TEF: variants seen among roughly 807,000 people sequenced by gnomAD.
The protein encoded by TEF is thyrotroph embryonic factor.
Under a neutral mutation model 20.8 loss-of-function variants are expected in TEF, and 3 were observed. The ratio of observed to expected loss-of-function variants is 0.14; its 90% confidence interval spans 0.07 to 0.37. The LOEUF is 0.37. Among genes scored for constraint, TEF ranks in the 10% least tolerant of loss-of-function variants. TEF has a pLI of 1.00. For synonymous variants in TEF, 180 were observed against 171.1 expected (o/e 1.05, Z -0.41); for missense variants, 296 against 397.9 (o/e 0.74, Z 2.18).
rs1164307022 is a variant in TEF at position 41,397,078 on chromosome 22, A to G, written c.*1118A>G. On this transcript the variant is annotated 3_prime_UTR_variant, in exon 4 of 4. Transcript: ENST00000266304. ...CAATTCTTGCTTCAGGATCTCTCCCATGCGAGCTGCCCGGAGGGTGTCAGC... is the reference window on the plus strand; with the variant it reads ...CAATTCTTGCTTCAGGATCTCTCCCGTGCGAGCTGCCCGGAGGGTGTCAGC... 2.5e-6 allele frequency: 1 copy of G among 398,690 alleles called. No homozygotes were observed. The highest frequency in any genetic ancestry group is 2.1e-5 in the African/African-American group (1 of 48,618). 24.7% of individuals were successfully genotyped at this position (398,690 alleles called of 1,614,324 possible).
At chr22:41,369,051 G>A in intron 1 of TEF, 1 of 985,254 alleles carries the variant, frequency 1.0e-6, no homozygotes, top group Non-Finnish European at 1.2e-6. Flanking sequence ...GGGTGGTACA[G>A]TCCCTCCTGG....
At chr22:41,374,978 G>A (rs1287631865) in intron 1 of TEF, among the ~76,000 whole-genome samples, 2 of 152,146 alleles carry the variant, frequency 1.3e-5, no homozygotes, top group Admixed American at 6.6e-5. Context: ...TTGTTCAAGG[G>A]CCGACTAAAG....
intron 1 of TEF, among the ~76,000 whole-genome samples, chr22:41,371,022 G>A (rs1477363841): frequency 6.6e-6 from 1 of 152,160 alleles, no homozygotes; most frequent in Admixed American, 6.5e-5. Flanking sequence ...CTATGTCCCT[G>A]GGCCCTAAAT....
In TEF at chr22:41,395,911, A is replaced by T; in HGVS notation, c.863A>T (p.Lys288Met). The change falls in exon 4 of 4, where the codon AAG becomes ATG. Residue 288 changes from lysine to methionine, a missense_variant. Transcript: ENST00000266304. ...GCCGAGCTACGCAAGGAGGTGGGCA[A>T]GTGCAAGACCATCGTGTCCAAGTAT... ...EVAELRKEVG[K>M]CKTIVSKYET... 2 of 1,614,120 alleles carry T rather than the reference A, an allele frequency of 1.2e-6. No individual in the cohort carries two copies. The highest frequency in any genetic ancestry group is 1.7e-6 in the Non-Finnish European group (2 of 1,179,976).
chr22:41,381,538 G>T (rs188309705), upstream of TEF, among the ~76,000 whole-genome samples: 1 of 152,304 alleles, frequency 6.6e-6, no homozygotes, highest in African/African-American at 2.4e-5. Flanking sequence ...CTTCGGTGGC[G>T]CGTCGGGAAG....
chr22:41,381,816 A>G, upstream of TEF: 1 of 1,128,126 alleles, frequency 8.9e-7, no homozygotes, highest in Non-Finnish European at 1.1e-6. Context: ...CCCCTCTCGC[A>G]GGCTGGACCA....
At chr22:41,390,729 C>A (rs1167597592) in intron 2 of TEF, among the ~76,000 whole-genome samples, 1 of 152,046 alleles carries the variant, frequency 6.6e-6, no homozygotes, top group East Asian at 1.9e-4. Flanking sequence ...GAACTCCTCA[C>A]CTCAGGTGAT....
Position 41,382,004 on chromosome 22 carries a change from G to C in TEF, c.-41G>C, listed in dbSNP as rs1470695011. The C allele has an allele frequency of 8.1e-7, 1 of 1,229,648 alleles. No individual in the cohort carries two copies. The highest frequency in any genetic ancestry group is 3.2e-5 in the East Asian group (1 of 31,598). 76.2% of individuals were successfully genotyped at this position (1,229,648 alleles called of 1,614,324 possible). A position where few individuals can be genotyped will look rare whatever the true frequency, so the allele number is the denominator to read the frequency against. On this transcript the variant is annotated 5_prime_UTR_variant, in exon 1 of 4. Coordinates refer to ENST00000266304, the MANE Select transcript of TEF (RefSeq NM_003216.4). The stretch of plus-strand genomic sequence containing the variant: ...ACGGCTCCGGCCCATCTCGGGGGGC[G>C]GGCGGGGGAGGCGAGGTGCGCGAGC...
chr22:41,381,043 T>G (rs902108689), upstream of TEF, among the ~76,000 whole-genome samples: 1 of 152,158 alleles, frequency 6.6e-6, no homozygotes, highest in African/African-American at 2.4e-5. Context: ...AAACATGTAC[T>G]CGGGCCCTGG....
At chr22:41,381,863 C>G, upstream of TEF, 3 of 1,221,324 alleles carry the variant, frequency 2.5e-6, no homozygotes, top group South Asian at 8.6e-5. Flanking sequence ...GGCCTGGCCT[C>G]ATGAATAATT....
intron 1 of TEF, among the ~76,000 whole-genome samples, chr22:41,383,149 G>T (rs1283505924): frequency 6.6e-6 from 1 of 152,058 alleles, no homozygotes; most frequent in South Asian, 2.1e-4. Flanking sequence ...ATAGGCCTTC[G>T]AGAGTTGTCT....
chr22:41,368,709 C>T (rs752894422), intron 1 of TEF, among the ~76,000 whole-genome samples: 11 of 152,168 alleles, frequency 7.2e-5, no homozygotes, highest in Non-Finnish European at 1.2e-4. Flanking sequence ...AGCTCTCGCA[C>T]GCAGCTCTGG....
intron 1 of TEF, among the ~76,000 whole-genome samples, chr22:41,371,750 T>TAC (rs146718123): frequency 2.0e-4 from 30 of 151,882 alleles, no homozygotes; most frequent in Middle Eastern, 3.4e-3. Flanking sequence ...AGTTGGTGTG[T>TAC]ACACACACAC....
intron 1 of TEF, 66 bp from the exon 2 acceptor site, chr22:41,387,285 C>G: frequency 1.3e-6 from 2 of 1,558,924 alleles, no homozygotes; most frequent in Non-Finnish European, 8.8e-7. Flanking sequence ...GTGAGGCTCA[C>G]TGCCCACTTC....
intron 1 of TEF, among the ~76,000 whole-genome samples, chr22:41,373,031 C>T (rs1276766162): frequency 3.9e-5 from 6 of 152,160 alleles, no homozygotes; most frequent in South Asian, 2.1e-4. Flanking sequence ...AGAGCTTTGA[C>T]GGTCATAAAG....
intron 1 of TEF, among the ~76,000 whole-genome samples, chr22:41,374,996 A>T (rs768761655): frequency 5.9e-5 from 9 of 152,312 alleles, no homozygotes; most frequent in Admixed American, 1.3e-4. Context: ...AAGTGGAAGC[A>T]GGAGTCAGCC....
At chr22:41,380,562 A>G (rs1027721620), upstream of TEF, among the ~76,000 whole-genome samples, 21 of 151,668 alleles carry the variant, frequency 1.4e-4, no homozygotes, top group African/African-American at 4.8e-4. Context: ...CACCCCCCCA[A>G]CCCCTCCTGC....
At chr22:41,382,287 T>C in intron 1 of TEF, 86 bp downstream of exon 1, 1 of 1,060,714 alleles carries the variant, frequency 9.4e-7, no homozygotes, top group East Asian at 3.6e-5. Context: ...GGGGAGGCAG[T>C]GGGTCAGGGA....
At chr22:41,379,928 AAAG>A (rs1349365721), upstream of TEF, among the ~76,000 whole-genome samples, 1 of 135,512 alleles carries the variant, frequency 7.4e-6, no homozygotes, top group African/African-American at 3.5e-5. Flanking sequence ...AAAGAAAAGA[AAAG>A]AAAATAAAAA....
Sources: gnomAD v4.1 joint callset for allele counts (sites outside exome capture counted in the v4.1 genomes callset) on GRCh38, gnomAD v4.1.1 for gene constraint, MANE v1.5 for transcripts, NCBI Gene and HGNC (gene_info 2026-07-23, HGNC 2026-07-21) for gene names.